Variants in NAV2 observed in about 807,000 individuals in gnomAD.
NAV2 encodes the protein helicase, APC down-regulated 1.
In NAV2, 54 loss-of-function variants were observed where a neutral mutation model predicts 223.2. The observed-to-expected ratio is 0.24, with a 90% CI of 0.19 to 0.30. The LOEUF (loss-of-function observed/expected upper bound fraction) is 0.30, where lower values mean the gene tolerates loss of function less well. NAV2 is among the 10% of genes least tolerant of loss of function. NAV2 has a pLI of 1.00. For synonymous variants in NAV2, 1,279 were observed against 1,239.3 expected (o/e 1.03, Z -0.67); for missense variants, 2,806 against 3,147.5 (o/e 0.89, Z 2.60).
intron 1 of NAV2, among the ~76,000 whole-genome samples, chr11:19,482,043 A>C (rs1976124): frequency 0.94 from 143,483 of 152,302 alleles, 68,204 homozygotes; most frequent in East Asian, 1. Context: ...TACTGCTTTT[A>C]ACAAAGAAGG....
chr11:20,092,471 A>G, intron 28 of NAV2, 103 bp downstream of exon 28: 1 of 1,233,762 alleles, frequency 8.1e-7, no homozygotes, highest in Non-Finnish European at 1.1e-6. Flanking sequence ...TCAAATGGAG[A>G]GGCAACAGGC....
At chr11:19,928,584 C>G (rs1426092170) in intron 6 of NAV2, among the ~76,000 whole-genome samples, 1 of 152,156 alleles carries the variant, frequency 6.6e-6, no homozygotes, top group Non-Finnish European at 1.5e-5. Flanking sequence ...CACCTTCCCC[C>G]AAACTGGTTT....
At chr11:19,831,243 T>TGGGGGGGGGGGG (rs1565392533) in intron 1 of NAV2, among the ~76,000 whole-genome samples, 2 of 1,856 alleles carry the variant, frequency 1.1e-3, no homozygotes, top group Admixed American at 7.0e-3. Flanking sequence ...GGGGGCGCGA[T>TGGGGGGGGGGGG]GGGGAGTGGG....
At chr11:19,518,264 T>A (rs1485174149) in intron 1 of NAV2, 2 of 152,260 alleles carry the variant, frequency 1.3e-5, no homozygotes, top group African/African-American at 4.8e-5. Flanking sequence ...CCATGCTAAA[T>A]GTTGAGATTC....
chr11:19,951,249 C>T (rs1309864433), intron 10 of NAV2, among the ~76,000 whole-genome samples: 1 of 151,756 alleles, frequency 6.6e-6, no homozygotes, highest in Non-Finnish European at 1.5e-5. Context: ...GAAACTTTCA[C>T]TTCTGAGGCC....
At chr11:20,069,322 G>A (rs1305627495) in intron 22 of NAV2, among the ~76,000 whole-genome samples, 1 of 152,106 alleles carries the variant, frequency 6.6e-6, no homozygotes, top group Non-Finnish European at 1.5e-5. Flanking sequence ...TGGAGGAGAG[G>A]TAAGGGTGGA....
At chr11:19,843,758 T>TAAAA (rs34850023) in intron 3 of NAV2, among the ~76,000 whole-genome samples, 2 of 135,288 alleles carry the variant, frequency 1.5e-5, no homozygotes, top group Non-Finnish European at 3.2e-5. Context: ...TCCAGAAATC[T>TAAAA]AAAAAAAAAA....
chr11:19,538,436 G>T (rs112125969), intron 1 of NAV2, among the ~76,000 whole-genome samples: 40 of 152,164 alleles, frequency 2.6e-4, no homozygotes, highest in Middle Eastern at 3.4e-3. Flanking sequence ...GACCTCGTAG[G>T]TTCACGCAAT....
intron 18 of NAV2, among the ~76,000 whole-genome samples, chr11:20,055,216 A>G (rs142728655): frequency 6.6e-6 from 1 of 152,328 alleles, no homozygotes; most frequent in East Asian, 1.9e-4. Context: ...AATATTGCAC[A>G]TGACTCAAAT....
At chr11:19,367,129 C>T (rs965888639) in intron 1 of NAV2, among the ~76,000 whole-genome samples, 1 of 152,206 alleles carries the variant, frequency 6.6e-6, no homozygotes, top group Non-Finnish European at 1.5e-5. Flanking sequence ...TTTGTAATGT[C>T]CTGGCCTCTC....
At chr11:19,980,956 T>A (rs779236158) in intron 10 of NAV2, among the ~76,000 whole-genome samples, 5 of 152,236 alleles carry the variant, frequency 3.3e-5, no homozygotes, top group Non-Finnish European at 7.3e-5. Context: ...AAGAATATTG[T>A]TGTTTAAAAA....
intron 26 of NAV2, among the ~76,000 whole-genome samples, chr11:20,083,718 T>C (rs1283600452): frequency 6.6e-6 from 1 of 152,056 alleles, no homozygotes; most frequent in African/African-American, 2.4e-5. Flanking sequence ...GCCACTGAGA[T>C]AGGGTTAGAG....
At chr11:19,981,748 G>A (rs2050307900) in intron 10 of NAV2, among the ~76,000 whole-genome samples, 1 of 152,182 alleles carries the variant, frequency 6.6e-6, no homozygotes, top group Non-Finnish European at 1.5e-5. Context: ...TTTCCTCCTT[G>A]TGCTACCTGT....
At chr11:19,846,976 C>T (rs1016514870) in intron 3 of NAV2, among the ~76,000 whole-genome samples, 1 of 152,188 alleles carries the variant, frequency 6.6e-6, no homozygotes. Flanking sequence ...ATTCCCTCTC[C>T]CCCACCAAAT....
At chr11:19,390,612 G>C (rs1849210129) in intron 1 of NAV2, among the ~76,000 whole-genome samples, 1 of 152,164 alleles carries the variant, frequency 6.6e-6, no homozygotes. Flanking sequence ...TCAGGGAATA[G>C]AGTGATTGGG....
At chr11:19,965,854 C>T (rs545087521) in intron 10 of NAV2, among the ~76,000 whole-genome samples, 52 of 152,332 alleles carry the variant, frequency 3.4e-4, no homozygotes, top group Non-Finnish European at 5.3e-4. Context: ...ATGTGTGGAG[C>T]CTCTGCTTGG....
At chr11:19,751,783 T>A (rs1171585355) in intron 1 of NAV2, among the ~76,000 whole-genome samples, 1 of 152,212 alleles carries the variant, frequency 6.6e-6, no homozygotes, top group African/African-American at 2.4e-5. Context: ...AGGTTGGAGC[T>A]GTCCCTGTTC....
intron 1 of NAV2, among the ~76,000 whole-genome samples, chr11:19,418,446 A>AGT (rs1352674578): frequency 2.0e-5 from 3 of 152,220 alleles, no homozygotes; most frequent in Non-Finnish European, 4.4e-5. Context: ...GGCTTGGATG[A>AGT]GTGTTCACTG....
chr11:19,439,752 G>A (rs760379940), intron 1 of NAV2, among the ~76,000 whole-genome samples: 3 of 152,190 alleles, frequency 2.0e-5, no homozygotes, highest in Non-Finnish European at 2.9e-5. Context: ...AGGTAACTGA[G>A]GGTTAATTAG....
Sources: gnomAD v4.1 joint callset for allele counts (sites outside exome capture counted in the v4.1 genomes callset) on GRCh38, gnomAD v4.1.1 for gene constraint, MANE v1.5 for transcripts, NCBI Gene and HGNC (gene_info 2026-07-23, HGNC 2026-07-21) for gene names.